C5: variants seen among roughly 807,000 people sequenced by gnomAD.
C5 encodes the protein C3 and PZP-like alpha-2-macroglobulin domain-containing protein 4.
In C5, 140 loss-of-function variants were observed where a neutral mutation model predicts 218.8. The ratio of observed to expected loss-of-function variants is 0.64; its 90% CI spans 0.56 to 0.74. The LOEUF (loss-of-function observed/expected upper bound fraction) is 0.74, where lower values mean the gene tolerates loss of function less well. Ranked by LOEUF, C5 falls within the 30% of genes least tolerant of loss-of-function variation. The probability of loss-of-function intolerance (pLI) is 0.00; values close to 1 mark genes in which losing one functional copy is unlikely to be tolerated. For missense variants in C5, 1,700 were observed against 1,969.6 expected, an observed-to-expected ratio of 0.86 and a Z score of 2.59; for synonymous variants, 614 against 682.3, an observed-to-expected ratio of 0.90 and a Z score of 1.56.
Position 120,988,179 on chromosome 9 carries a change from T to G in C5, c.3230+867A>C, listed in dbSNP as rs535417994. On this transcript the variant is annotated intron_variant, in intron 25 of 40. Transcript: ENST00000223642. ...ATCATCAGAATTTTGGAAGATATGT[T>G]TCATTGAATAAATACTTACTGAGCA... is the stretch of plus-strand genomic sequence containing the variant. Among the ~76,000 whole-genome samples, 19 of 152,312 alleles carry G rather than the reference T, an allele frequency of 1.2e-4. No individual in the cohort carries two copies. The East Asian group carries it at 3.7e-3, about 29-fold the overall frequency.
chr9:120,995,134 G>A (rs4836835), intron 22 of C5, among the ~76,000 whole-genome samples: 77,331 of 151,886 alleles, frequency 0.51, 20,198 homozygotes, highest in South Asian at 0.72. Flanking sequence ...ACTTTTTATT[G>A]CTCTACTGAA....
the C5 span, among the ~76,000 whole-genome samples, chr9:121,057,119 T>A: frequency 6.6e-6 from 1 of 152,154 alleles, no homozygotes; most frequent in Admixed American, 6.5e-5. Flanking sequence ...TAGAATATTA[T>A]ATCCAGCACA....
In C5 at chr9:120,961,523, A is replaced by G; in HGVS notation, c.4547T>C (p.Ile1516Thr). ...TMFYSTSNIKIQKVCEGAACK... is the reference protein window; with the variant it reads ...TMFYSTSNIKTQKVCEGAACK... The stretch of plus-strand genomic sequence containing the variant: ...CGCGGCTCCTTCACAGACTTTCTGA[A>G]TTTTGATATTGGAAGTGCTATAAAA... The change falls in exon 37 of 41, where the codon ATT becomes ACT. Residue 1516 changes from isoleucine to threonine, a missense_variant. By Grantham distance (89) the Ile-to-Thr change is moderately conservative. Coordinates refer to ENST00000223642, the MANE Select transcript of C5 (RefSeq NM_001735.3). 1.2e-6 allele frequency: 2 copies of G among 1,613,406 alleles called. No homozygotes were observed. Among genetic ancestry groups the G allele is most frequent in the Non-Finnish European group, 1.7e-6 (2 of 1,179,348 alleles).
At chr9:120,967,484 C>T (rs2046877372) in intron 33 of C5, among the ~76,000 whole-genome samples, 2 of 152,090 alleles carry the variant, frequency 1.3e-5, no homozygotes, top group South Asian at 4.1e-4. Flanking sequence ...CCAAGTTATC[C>T]ACACTGGGTG....
chr9:120,969,636 A>G (rs536106252), intron 32 of C5, among the ~76,000 whole-genome samples: 3 of 152,316 alleles, frequency 2.0e-5, no homozygotes, highest in African/African-American at 4.8e-5. Context: ...TGGGTTAAAT[A>G]AAAGGGTCAG....
chr9:121,008,655 T>G (rs1236145048), intron 17 of C5, among the ~76,000 whole-genome samples, 157 bp from the exon 18 acceptor site: 1 of 152,062 alleles, frequency 6.6e-6, no homozygotes, highest in Non-Finnish European at 1.5e-5. Context: ...ATAGGCAGGG[T>G]GCAGTGGCTC....
At chr9:121,067,708 T>C in the C5 span, among the ~76,000 whole-genome samples, 2 of 152,028 alleles carry the variant, frequency 1.3e-5, no homozygotes, top group Non-Finnish European at 1.5e-5. Context: ...GGGTGGATCA[T>C]GGGGGCAGTT....
chr9:120,959,708 T>C (rs1439492810), intron 38 of C5, among the ~76,000 whole-genome samples: 1 of 152,232 alleles, frequency 6.6e-6, no homozygotes, highest in East Asian at 1.9e-4. Context: ...AGGCTACAAC[T>C]GTACTTGAAC....
rs1168782800 is a variant in C5, at chr9:120,976,642, G to A, written c.3864+58C>T. 7 of 1,366,180 alleles carry A rather than the reference G, an allele frequency of 5.1e-6. No homozygotes were observed. In the Admixed American group the frequency reaches 6.7e-5, roughly 13 times the overall value. The allele number at this position is 1,366,180 out of a possible 1,614,324, so 84.6% of individuals were successfully genotyped here. ...AAAGGCATGGAGGCCAGATGAGTGT[G>A]GTGGGGGAGAAAATAAAAATGTCTA... On this transcript the variant is annotated intron_variant, in intron 29 of 40. Coordinates refer to ENST00000223642, the MANE Select transcript of C5 (RefSeq NM_001735.3).
At chr9:121,035,147 TCTC>T (rs1241601747) in intron 4 of C5, among the ~76,000 whole-genome samples, 1 of 64,622 alleles carries the variant, frequency 1.5e-5, no homozygotes, top group Admixed American at 2.1e-4. Flanking sequence ...GAGACTCAAC[TCTC>T]GTTGTACATC....
chr9:120,955,479 T>G (rs1353653872), intron 39 of C5, among the ~76,000 whole-genome samples: 1 of 152,192 alleles, frequency 6.6e-6, no homozygotes, highest in African/African-American at 2.4e-5. Context: ...AAGCACTTTG[T>G]TATTTCAGTA....
chr9:120,981,601 GA>G (rs1458337603), intron 27 of C5, among the ~76,000 whole-genome samples: 1 of 152,224 alleles, frequency 6.6e-6, no homozygotes, highest in Non-Finnish European at 1.5e-5. Flanking sequence ...GTGACACTGG[GA>G]AACTGAATTC....
intron 25 of C5, among the ~76,000 whole-genome samples, chr9:120,983,735 C>T (rs2047012514): frequency 6.6e-6 from 1 of 151,890 alleles, no homozygotes. Flanking sequence ...TTGCTTGAGC[C>T]CAGGAGGTAG....
chr9:120,987,412 A>C (rs1268013145), intron 25 of C5, among the ~76,000 whole-genome samples: 3 of 152,032 alleles, frequency 2.0e-5, no homozygotes, highest in Non-Finnish European at 4.4e-5. Context: ...TGGGAGGTTG[A>C]GGTGGGTGGA....
At chr9:120,989,428 A>C in intron 24 of C5, 140 bp downstream of exon 24, 1 of 663,744 alleles carries the variant, frequency 1.5e-6, no homozygotes, top group Non-Finnish European at 2.6e-6. Context: ...ATATTTATTT[A>C]TATAGTAGAG....
upstream of C5, among the ~76,000 whole-genome samples, chr9:121,054,390 A>G (rs2047688128): frequency 7.2e-5 from 11 of 152,192 alleles, no homozygotes; most frequent in Admixed American, 7.2e-4. Flanking sequence ...ACCTGAGGTC[A>G]GGAGTTCAAG....
upstream of C5, among the ~76,000 whole-genome samples, chr9:121,053,630 A>G (rs1323477): frequency 0.75 from 114,061 of 152,026 alleles, 43,185 homozygotes; most frequent in East Asian, 0.96. Flanking sequence ...CATTGAAGAT[A>G]GGGTGGGGGT....
chr9:121,050,916 T>C (rs2047666766), upstream of C5, among the ~76,000 whole-genome samples: 1 of 152,144 alleles, frequency 6.6e-6, no homozygotes, highest in Non-Finnish European at 1.5e-5. Flanking sequence ...AGAATAGATA[T>C]TCTCCAATAT....
intron 23 of C5, 75 bp from the exon 24 acceptor site, chr9:120,989,855 C>G (rs1008922182): frequency 1.7e-6 from 2 of 1,204,202 alleles, no homozygotes; most frequent in Non-Finnish European, 2.4e-6. Context: ...GAGAGAAGAA[C>G]AACCATCTAG....
Sources: gnomAD v4.1 joint callset for allele counts (sites outside exome capture counted in the v4.1 genomes callset) on GRCh38, gnomAD v4.1.1 for gene constraint, MANE v1.5 for transcripts, NCBI Gene and HGNC (gene_info 2026-07-23, HGNC 2026-07-21) for gene names.